SNAP47: variants seen among roughly 807,000 people sequenced by gnomAD.
SNAP47 encodes the protein synaptosomal-associated protein 47.
Under a neutral mutation model 31.4 loss-of-function variants are expected in SNAP47, and 20 were observed. The observed-to-expected ratio is 0.64, with a 90% CI of 0.45 to 0.93. The LOEUF (loss-of-function observed/expected upper bound fraction) is 0.93. SNAP47 is among the 40% of genes least tolerant of loss of function. The pLI is 0.00. For synonymous variants in SNAP47, 194 were observed against 213.4 expected, an observed-to-expected ratio of 0.91 and a Z score of 0.79; for missense variants, 492 against 528.5, an observed-to-expected ratio of 0.93 and a Z score of 0.68.
At chr1:227,728,244 GT>G (rs1478760876), upstream of SNAP47, among the ~76,000 whole-genome samples, 1 of 152,160 alleles carries the variant, frequency 6.6e-6, no homozygotes, top group African/African-American at 2.4e-5. Flanking sequence ...CACCTGCAGG[GT>G]TCGCTGGACC....
chr1:227,756,333 A>G (rs1472942305), intron 2 of SNAP47, among the ~76,000 whole-genome samples: 1 of 152,248 alleles, frequency 6.6e-6, no homozygotes, highest in African/African-American at 2.4e-5. Context: ...CGCGACTCAC[A>G]TTGGACCCCA....
chr1:227,777,960 C>A (rs1171212476), intron 4 of SNAP47, among the ~76,000 whole-genome samples: 1 of 152,226 alleles, frequency 6.6e-6, no homozygotes, highest in Non-Finnish European at 1.5e-5. Context: ...TAAAATGTGC[C>A]ACGTTCTTAG....
intron 1 of SNAP47, among the ~76,000 whole-genome samples, chr1:227,729,844 G>A (rs946457512): frequency 6.6e-6 from 1 of 152,170 alleles, no homozygotes; most frequent in Non-Finnish European, 1.5e-5. Flanking sequence ...GCCCCATCAT[G>A]TTCCCTCACT....
chr1:227,775,175 G>A (rs1438788791), intron 4 of SNAP47, among the ~76,000 whole-genome samples: 1 of 152,264 alleles, frequency 6.6e-6, no homozygotes, highest in Non-Finnish European at 1.5e-5. Flanking sequence ...CGAGTGCCGA[G>A]TGTGACAGAT....
At chr1:227,776,516 C>T (rs1171640140) in intron 4 of SNAP47, 29 of 985,586 alleles carry the variant, frequency 2.9e-5, no homozygotes, top group East Asian at 2.3e-4. Context: ...CTGGCTGCCT[C>T]GGAGCTGACA....
chr1:227,775,687 C>A, intron 4 of SNAP47: 1 of 1,183,352 alleles, frequency 8.5e-7, no homozygotes, highest in South Asian at 1.3e-5. Flanking sequence ...TGTAGGTGGG[C>A]CCACCCTACT....
At chr1:227,748,389 C>T (rs147619474) in intron 2 of SNAP47, among the ~76,000 whole-genome samples, 156 bp downstream of exon 2, 7 of 152,302 alleles carry the variant, frequency 4.6e-5, no homozygotes, top group Non-Finnish European at 7.3e-5. Flanking sequence ...TTAGTGGGTA[C>T]GCACATTAAG....
At chr1:227,776,822 A>G in intron 4 of SNAP47, 1 of 985,496 alleles carries the variant, frequency 1.0e-6, no homozygotes, top group Non-Finnish European at 1.2e-6. Flanking sequence ...CAATTTTGGC[A>G]GGCAGGCCAA....
chr1:227,757,519 A>G (rs183292841), intron 2 of SNAP47, among the ~76,000 whole-genome samples: 24 of 152,376 alleles, frequency 1.6e-4, no homozygotes, highest in African/African-American at 5.5e-4. Flanking sequence ...GGATAATGAT[A>G]CATAATCTTG....
intron 3 of SNAP47, among the ~76,000 whole-genome samples, chr1:227,761,477 G>A (rs997241820): frequency 1.3e-5 from 2 of 152,158 alleles, no homozygotes; most frequent in Non-Finnish European, 2.9e-5. Context: ...TGGAGCATGT[G>A]GTGTGAAATG....
chr1:227,778,443 C>T (rs576969220), intron 4 of SNAP47, among the ~76,000 whole-genome samples: 1 of 152,352 alleles, frequency 6.6e-6, no homozygotes, highest in African/African-American at 2.4e-5. Flanking sequence ...ACTTAAATCA[C>T]ATTTTAGTAT....
At chr1:227,753,270 G>A (rs1284232722) in intron 2 of SNAP47, among the ~76,000 whole-genome samples, 2 of 152,228 alleles carry the variant, frequency 1.3e-5, no homozygotes, top group Non-Finnish European at 2.9e-5. Flanking sequence ...GGAGGCTAAA[G>A]CAACTCCATC....
intron 1 of SNAP47, among the ~76,000 whole-genome samples, chr1:227,739,668 G>A (rs545427903): frequency 6.6e-6 from 1 of 152,328 alleles, no homozygotes; most frequent in East Asian, 1.9e-4. Flanking sequence ...GCCTCACTCA[G>A]GGGACCCTTG....
In SNAP47 at chr1:227,780,844, C is replaced by T. The variant is rs530996494; in HGVS notation, c.*171C>T. On this transcript the variant is annotated 3_prime_UTR_variant, in exon 5 of 5. Coordinates refer to ENST00000617596, the MANE Select transcript of SNAP47 (RefSeq NM_053052.4). Reference sequence around the variant, plus strand: ...ACCAGGGGCCTCCCCAGGTGTGCACCATGCCTGCCTCCCACTTGGCTGTCC... The same window carrying T: ...ACCAGGGGCCTCCCCAGGTGTGCACTATGCCTGCCTCCCACTTGGCTGTCC... 1.7e-4 allele frequency: 150 copies of T among 858,786 alleles called. No homozygotes were observed. In the African/African-American group the frequency reaches 2.3e-3, roughly 13 times the overall value. 53.2% of individuals were successfully genotyped at this position (858,786 alleles called of 1,614,324 possible). A position where few individuals can be genotyped will look rare whatever the true frequency, so the allele number is the denominator to read the frequency against.
upstream of SNAP47, chr1:227,733,066 C>A: frequency 6.2e-7 from 1 of 1,607,964 alleles, no homozygotes; most frequent in Non-Finnish European, 8.5e-7. Context: ...GAGCCCATGG[C>A]AGGTGCCCCC....
At chr1:227,766,616 C>T (rs963480224) in intron 3 of SNAP47, among the ~76,000 whole-genome samples, 1 of 152,258 alleles carries the variant, frequency 6.6e-6, no homozygotes, top group African/African-American at 2.4e-5. Context: ...CTGCAGTTCC[C>T]CAGTCGTGTG....
At position 227,747,839 on chromosome 1, in the gene SNAP47, A is replaced by G; in HGVS notation, c.103A>G (p.Arg35Gly). 1 of 1,614,184 alleles carries G rather than the reference A, an allele frequency of 6.2e-7. No homozygotes were observed. The stretch of plus-strand genomic sequence containing the variant: ...GCTGTCCTTAACATCGCTGTCGCTC[A>G]GGTTCATGACTGACAGCACTGGAGA... ...GQLSLTSLSL[R>G]FMTDSTGEIL... The change falls in exon 2 of 5, where the codon AGG becomes GGG. Residue 35 changes from arginine to glycine, a missense_variant. Arg to Gly is a moderately radical substitution (Grantham distance 125). Transcript: ENST00000617596.
chr1:227,766,944 C>T lies in SNAP47; in HGVS notation c.989-15C>T. 1 of 1,613,418 alleles carries T rather than the reference C, an allele frequency of 6.2e-7. No individual in the cohort carries two copies. The highest frequency in any genetic ancestry group is 8.5e-7 in the Non-Finnish European group (1 of 1,179,796). Reference sequence around the variant, plus strand: ...TCCGAGAGATGTCACTGCTGACCATCTGCTCTCCTTGCAGCATCTGGGCTG... The same window carrying T: ...TCCGAGAGATGTCACTGCTGACCATTTGCTCTCCTTGCAGCATCTGGGCTG... On this transcript the variant is annotated splice_polypyrimidine_tract_variant and intron_variant, in intron 3 of 4. Transcript: ENST00000617596.
At chr1:227,743,917 T>C (rs960210220) in intron 1 of SNAP47, 2 of 152,238 alleles carry the variant, frequency 1.3e-5, no homozygotes, top group Admixed American at 6.5e-5. Flanking sequence ...ATATAGCAGC[T>C]TCCTTTTCAG....
Sources: allele counts gnomAD v4.1 joint callset (sites outside exome capture counted in the v4.1 genomes callset), GRCh38; gene constraint gnomAD v4.1.1; transcripts MANE v1.5; gene names NCBI Gene and HGNC (gene_info 2026-07-23, HGNC 2026-07-21).